Variants in PPM1L observed in about 807,000 individuals in gnomAD.
The protein encoded by PPM1L is protein phosphatase, Mg2+/Mn2+ dependent 1L, also known as protein phosphatase 1L.
A neutral mutation model predicts 31.4 loss-of-function variants in PPM1L; 13 were observed. The ratio of observed to expected loss-of-function variants is 0.41; its 90% CI spans 0.27 to 0.66. PPM1L has a LOEUF of 0.66. Ranked by LOEUF, PPM1L falls within the 30% of genes least tolerant of loss-of-function variation. PPM1L has a pLI of 0.29. For synonymous variants in PPM1L, 184 were observed against 175.4 expected (o/e 1.05, Z -0.39); for missense variants, 326 against 453.7 (o/e 0.72, Z 2.56).
At chr3:160,904,373 T>G (rs1223531966) in intron 1 of PPM1L, among the ~76,000 whole-genome samples, 1 of 152,206 alleles carries the variant, frequency 6.6e-6, no homozygotes, top group Non-Finnish European at 1.5e-5. Flanking sequence ...CTTAGTATAA[T>G]CTTTATATGC....
intron 1 of PPM1L, among the ~76,000 whole-genome samples, chr3:160,835,135 C>A (rs1413995884): frequency 9.3e-6 from 1 of 107,734 alleles, no homozygotes; most frequent in Non-Finnish European, 1.9e-5. Flanking sequence ...TTTCTTCCTT[C>A]TTCCTTTTTC....
intron 1 of PPM1L, among the ~76,000 whole-genome samples, chr3:160,923,873 C>A (rs1417636803): frequency 6.6e-6 from 1 of 152,136 alleles, no homozygotes; most frequent in Non-Finnish European, 1.5e-5. Context: ...CTCTGGGACT[C>A]CTGATACCTT....
At chr3:161,063,642 C>G (rs1719640331) in intron 2 of PPM1L, among the ~76,000 whole-genome samples, 1 of 152,040 alleles carries the variant, frequency 6.6e-6, no homozygotes, top group Non-Finnish European at 1.5e-5. Context: ...CCAGAAATAC[C>G]ATTTGACTCA....
Position 160,756,468 on chromosome 3 carries a change from G to A in PPM1L, c.160G>A (p.Asp54Asn). Residue 54 changes from aspartate (D) to asparagine (N), a missense_variant, in exon 1 of 4, where the codon GAC (aspartate) becomes AAC (asparagine). Asp to Asn is a conservative substitution (Grantham distance 23). This residue lies in a region of PPM1L where 42 missense variants were observed against 76.1 expected (regional missense o/e 0.55). Transcript: ENST00000498165. This position sits in a 1 kb window ranked among gnomAD's most constrained non-coding sequence, Gnocchi z 6.2. The part of the protein sequence containing the change: ...EVKTIVKSSR[D>N]AVKMVKGKVA... ...GAAGACCATCGTGAAGTCCAGCCGG[G>A]ACGCCGTGAAGATGGTGAAGGGCAA... 6.2e-7 allele frequency: 1 copy of A among 1,614,170 alleles called. No individual in the cohort carries two copies. Among genetic ancestry groups the A allele is most frequent in the Non-Finnish European group, 8.5e-7 (1 of 1,180,030 alleles).
intron 1 of PPM1L, among the ~76,000 whole-genome samples, chr3:160,826,306 T>G (rs1713354803): frequency 6.6e-6 from 1 of 152,166 alleles, no homozygotes; most frequent in South Asian, 2.1e-4. Flanking sequence ...GGCTCTAATA[T>G]GGAATTTGGC....
intron 1 of PPM1L, among the ~76,000 whole-genome samples, chr3:160,763,016 C>T (rs1715011052): frequency 6.6e-6 from 1 of 152,106 alleles, no homozygotes; most frequent in African/African-American, 2.4e-5. Context: ...AATTCTTGGC[C>T]TTTAACCTGC....
chr3:160,767,485 T>G (rs1715135288), intron 1 of PPM1L, among the ~76,000 whole-genome samples: 1 of 152,176 alleles, frequency 6.6e-6, no homozygotes, highest in Non-Finnish European at 1.5e-5. Flanking sequence ...TCCACCCGCC[T>G]CGGCCTCCCA....
intron 2 of PPM1L, among the ~76,000 whole-genome samples, chr3:161,041,953 T>G (rs1718922693): frequency 6.6e-6 from 1 of 152,210 alleles, no homozygotes; most frequent in Non-Finnish European, 1.5e-5. Flanking sequence ...TATTTTTAAA[T>G]TTTTAAGTAT....
At chr3:160,839,337 T>C (rs1367495240) in intron 1 of PPM1L, among the ~76,000 whole-genome samples, 2 of 152,106 alleles carry the variant, frequency 1.3e-5, no homozygotes, top group Non-Finnish European at 2.9e-5. Context: ...ACACCTTAGA[T>C]AAGATTGAAA....
At chr3:160,976,682 C>T (rs1716592929) in intron 2 of PPM1L, among the ~76,000 whole-genome samples, 1 of 152,198 alleles carries the variant, frequency 6.6e-6, no homozygotes, top group Non-Finnish European at 1.5e-5. Context: ...GTAGTATTCT[C>T]TGATGGTAGT....
chr3:160,984,068 C>T (rs149276660), intron 2 of PPM1L, among the ~76,000 whole-genome samples: 1 of 152,258 alleles, frequency 6.6e-6, no homozygotes, highest in Non-Finnish European at 1.5e-5. Context: ...AAACATTTTA[C>T]CAGAGTTCAA....
Position 161,055,976 on chromosome 3 carries a change from G to A in PPM1L, c.575-9427G>A, listed in dbSNP as rs116848166. ...CTCTACTCCATCCAGCTTCCAATCCGTACCCCACAACATAAAAAGTGACAT... is the reference window on the plus strand; with the variant it reads ...CTCTACTCCATCCAGCTTCCAATCCATACCCCACAACATAAAAAGTGACAT... On this transcript the variant is annotated intron_variant, in intron 2 of 3. Coordinates refer to ENST00000498165, the MANE Select transcript of PPM1L (RefSeq NM_139245.4). Among the ~76,000 whole-genome samples the A allele has an allele frequency of 2.9e-4, 44 of 152,084 alleles. No individual in the cohort carries two copies. The East Asian group carries it at 8.3e-3, about 29-fold the overall frequency.
At chr3:160,864,279 C>T (rs1382310286) in intron 1 of PPM1L, among the ~76,000 whole-genome samples, 1 of 152,122 alleles carries the variant, frequency 6.6e-6, no homozygotes, top group Non-Finnish European at 1.5e-5. Context: ...ACTTCCTGGG[C>T]TCAGGTGATC....
At chr3:160,934,296 G>T (rs1041915088) in intron 1 of PPM1L, among the ~76,000 whole-genome samples, 1 of 152,232 alleles carries the variant, frequency 6.6e-6, no homozygotes, top group Non-Finnish European at 1.5e-5. Flanking sequence ...AAGTGGAAAT[G>T]AGGGAAGGTT....
intron 1 of PPM1L, among the ~76,000 whole-genome samples, chr3:160,776,789 C>A (rs895524772): frequency 2.5e-4 from 38 of 151,694 alleles, no homozygotes; most frequent in Non-Finnish European, 2.7e-4. Context: ...TTAGTAGAGA[C>A]AGGGTTTCAC....
At chr3:161,022,477 CTATTA>C (rs1473066217) in intron 2 of PPM1L, 1 of 233,536 alleles carries the variant, frequency 4.3e-6, no homozygotes, top group Non-Finnish European at 8.2e-6. Context: ...TTTCTATTGT[CTATTA>C]TATTTACTTA....
intron 1 of PPM1L, among the ~76,000 whole-genome samples, chr3:160,955,521 C>T (rs1715741145): frequency 6.6e-6 from 1 of 151,950 alleles, no homozygotes; most frequent in African/African-American, 2.4e-5. Context: ...TCTAGTATTT[C>T]ATGTGTGTTT....
chr3:161,024,122 G>A lies in PPM1L; in HGVS notation c.575-41281G>A, dbSNP rs546031666. Among the ~76,000 whole-genome samples the A allele has an allele frequency of 1.3e-4, 20 of 152,032 alleles. No individual in the cohort carries two copies. The South Asian group carries it at 1.9e-3, about 14-fold the overall frequency. ...TGAAATTAGCTGGGCAAAATTAGCC[G>A]GACATGGTGGCACACACCTGTAGTC... On this transcript the variant is annotated intron_variant, in intron 2 of 3. Coordinates refer to ENST00000498165, the MANE Select transcript of PPM1L (RefSeq NM_139245.4).
chr3:160,979,252 C>T (rs1449809215), intron 2 of PPM1L, among the ~76,000 whole-genome samples: 1 of 151,964 alleles, frequency 6.6e-6, no homozygotes, highest in East Asian at 1.9e-4. Context: ...TTTTCCAACC[C>T]ACTTATTCCA....
Sources: allele counts gnomAD v4.1 joint callset (sites outside exome capture counted in the v4.1 genomes callset), GRCh38; gene constraint gnomAD v4.1.1; regional missense constraint gnomAD v4.1.1; non-coding constraint Gnocchi (gnomAD v3.1); transcripts MANE v1.5; gene names NCBI Gene and HGNC (gene_info 2026-07-23, HGNC 2026-07-21).